Variants in MACF1 observed in about 807,000 individuals in gnomAD.
MACF1 encodes microtubule-actin cross-linking factor 1.
MACF1 carries 193 observed loss-of-function variants against 854.8 expected under a neutral mutation model. That is an observed-to-expected ratio of 0.23 (90% CI 0.20 to 0.25). MACF1 has a LOEUF of 0.25. Among genes scored for constraint, MACF1 ranks in the 10% least tolerant of loss-of-function variants. The pLI is 1.00. For missense variants in MACF1, 7,722 were observed against 8,929.1 expected (o/e 0.86, Z 5.45); for synonymous variants, 3,185 against 3,226.7 (o/e 0.99, Z 0.44).
At chr1:39,304,987 A>G (rs1646139452) in intron 23 of MACF1, 3 of 150,238 alleles carry the variant, frequency 2.0e-5, no homozygotes, top group Admixed American at 6.7e-5. Context: ...TGGGCCGGGC[A>G]CCATGGCTCA....
chr1:39,137,985 G>A (rs1643226408), intron 2 of MACF1, among the ~76,000 whole-genome samples: 1 of 147,226 alleles, frequency 6.8e-6, no homozygotes, highest in South Asian at 2.2e-4. Context: ...GAGGCAGGAG[G>A]ATTGCTTGAT....
chr1:39,276,222 C>T (rs925451872), intron 6 of MACF1, among the ~76,000 whole-genome samples: 2 of 152,098 alleles, frequency 1.3e-5, no homozygotes, highest in African/African-American at 2.4e-5. Context: ...ACCCAGCCCT[C>T]ATTTGCTTCT....
chr1:39,199,846 G>A (rs1644367229), upstream of MACF1, among the ~76,000 whole-genome samples: 2 of 152,122 alleles, frequency 1.3e-5, no homozygotes, highest in Admixed American at 1.3e-4. Flanking sequence ...TCAGAAGAGA[G>A]GGAGCTCCAG....
intron 31 of MACF1, among the ~76,000 whole-genome samples, chr1:39,320,665 C>G (rs1646496990): frequency 6.6e-6 from 1 of 152,126 alleles, no homozygotes; most frequent in Non-Finnish European, 1.5e-5. Context: ...CTTAGAATAT[C>G]TTTAAGGAAA....
Position 39,382,059 on chromosome 1 carries a change from G to A in MACF1, c.13755G>A (p.Arg4585=). The A allele has an allele frequency of 6.2e-7, 1 of 1,614,148 alleles. No individual in the cohort carries two copies. Among genetic ancestry groups the A allele is most frequent in the South Asian group, 1.1e-5 (1 of 91,082 alleles). The change falls in exon 56 of 101, where the codon CGG becomes CGA. Residue 4585 remains arginine (R), a synonymous_variant. Transcript: ENST00000564288. ...TCCAGGCTGCAGAATCCCAGCTCCGGCCGTGGCTGATGGAGAAAGAACTGA... is the reference window on the plus strand; with the variant it reads ...TCCAGGCTGCAGAATCCCAGCTCCGACCGTGGCTGATGGAGAAAGAACTGA... ...ACFQAAESQL[R]PWLMEKELMM... is the part of the protein sequence containing the mutation.
intron 68 of MACF1, 97 bp downstream of exon 68, chr1:39,433,252 C>T: frequency 1.5e-6 from 1 of 650,082 alleles, no homozygotes; most frequent in Non-Finnish European, 2.6e-6. Flanking sequence ...TTTTTCCCTC[C>T]TGGACTTTTC....
chr1:39,403,752 A>G (rs931384195), intron 58 of MACF1, among the ~76,000 whole-genome samples: 8 of 152,216 alleles, frequency 5.3e-5, no homozygotes, highest in East Asian at 1.9e-4. Context: ...AGTTTCATTT[A>G]TAAAGATTTA....
At chr1:39,383,480 A>G (rs552440799) in intron 56 of MACF1, among the ~76,000 whole-genome samples, 1 of 152,346 alleles carries the variant, frequency 6.6e-6, no homozygotes, top group African/African-American at 2.4e-5. Context: ...TTAAAAGTAT[A>G]TATTTAAATT....
At chr1:39,427,117 T>A (rs1278838046) in intron 61 of MACF1, among the ~76,000 whole-genome samples, 1 of 152,196 alleles carries the variant, frequency 6.6e-6, no homozygotes, top group Non-Finnish European at 1.5e-5. Flanking sequence ...AAGGAGAACA[T>A]TAGAAGATTT....
intron 58 of MACF1, among the ~76,000 whole-genome samples, chr1:39,404,149 G>GTAAGTAAGTAAATAAATAAATAAA (rs565389591): frequency 2.0e-5 from 3 of 148,442 alleles, no homozygotes; most frequent in African/African-American, 7.5e-5. Context: ...AAATAAGTAA[G>GTAAGTAAGTAAATAAATAAATAAA]TAAATAAATA....
At chr1:39,230,893 G>A (rs1315671124) in intron 1 of MACF1, among the ~76,000 whole-genome samples, 1 of 152,134 alleles carries the variant, frequency 6.6e-6, no homozygotes, top group Non-Finnish European at 1.5e-5. Context: ...TGTGAGGGAA[G>A]TGGGGAATCA....
chr1:39,160,483 C>T (rs564711517), intron 2 of MACF1, among the ~76,000 whole-genome samples: 4 of 152,304 alleles, frequency 2.6e-5, no homozygotes, highest in African/African-American at 9.6e-5. Context: ...GTTCTGTTTT[C>T]TAATCTTTCA....
At chr1:39,396,987 C>T (rs1051104355) in intron 58 of MACF1, among the ~76,000 whole-genome samples, 2 of 152,106 alleles carry the variant, frequency 1.3e-5, no homozygotes, top group Non-Finnish European at 2.9e-5. Flanking sequence ...CTCTCTAGGA[C>T]GTCATAAACT....
At chr1:39,121,600 C>T (rs1343755421) in intron 2 of MACF1, among the ~76,000 whole-genome samples, 1 of 152,082 alleles carries the variant, frequency 6.6e-6, no homozygotes, top group African/African-American at 2.4e-5. Context: ...GCGCGTGCCA[C>T]CACTCCGGGC....
At chr1:39,391,323 A>G (rs1254263126) in intron 58 of MACF1, among the ~76,000 whole-genome samples, 1 of 152,170 alleles carries the variant, frequency 6.6e-6, no homozygotes, top group African/African-American at 2.4e-5. Context: ...CTTTGTATTA[A>G]GTATTCCCAA....
rs777072806 is a variant in MACF1 at position 39,385,740 on chromosome 1, G to A, written c.14155G>A (p.Val4719Ile). The A allele has an allele frequency of 4.3e-6, 7 of 1,614,204 alleles. No homozygotes were observed. The South Asian group carries it at 4.4e-5, about 10-fold the overall frequency. Residue 4719 changes from valine to isoleucine, a missense_variant, in exon 57 of 101, where the codon GTA becomes ATA. By Grantham distance (29) the Val-to-Ile change is conservative (BLOSUM62 3). Around this residue, in one of 15 missense-constraint regions of MACF1, gnomAD observed 2,807 missense variants for 3,235.8 expected, o/e 0.87. Transcript: ENST00000564288. ...AGCTATCAGCACCCAACCAGAGGCTGTAAAGCAGCAATTGGAAGAGACCAG... is the reference window on the plus strand; with the variant it reads ...AGCTATCAGCACCCAACCAGAGGCTATAAAGCAGCAATTGGAAGAGACCAG... ...QSAISTQPEA[V>I]KQQLEETSEI...
At chr1:39,422,233 A>T (rs780775097) in intron 58 of MACF1, 141 bp from the exon 59 acceptor site, 16 of 597,154 alleles carry the variant, frequency 2.7e-5, no homozygotes, top group Non-Finnish European at 4.3e-5. Context: ...TTGATGCTTC[A>T]CGTGCAAATG....
chr1:39,185,049 T>C (rs527609457), intron 2 of MACF1, among the ~76,000 whole-genome samples: 58 of 152,054 alleles, frequency 3.8e-4, no homozygotes, highest in African/African-American at 1.1e-3. Context: ...CCCAGCACTT[T>C]GGGAGGCCGA....
At chr1:39,298,966 A>G (rs1571293907) in intron 21 of MACF1, among the ~76,000 whole-genome samples, 1 of 151,836 alleles carries the variant, frequency 6.6e-6, no homozygotes. Context: ...TCATCGGGGC[A>G]TGGAGTCACC....
Sources: gnomAD v4.1 joint callset for allele counts (sites outside exome capture counted in the v4.1 genomes callset) on GRCh38, gnomAD v4.1.1 for gene constraint, gnomAD v4.1.1 regional missense constraint, MANE v1.5 for transcripts, NCBI Gene and HGNC (gene_info 2026-07-23, HGNC 2026-07-21) for gene names.